MYRIP: variants seen among roughly 807,000 people sequenced by gnomAD.
MYRIP encodes the protein myosin VIIA and Rab interacting protein.
MYRIP carries 49 observed loss-of-function variants against 98.0 expected under a neutral mutation model. That is an observed-to-expected ratio of 0.50 (90% CI 0.40 to 0.63). The LOEUF (loss-of-function observed/expected upper bound fraction) is 0.63, where lower values mean the gene tolerates loss of function less well. Among genes scored for constraint, MYRIP ranks in the 30% least tolerant of loss-of-function variants. The pLI is 0.00. For missense variants in MYRIP, 1,004 were observed against 1,058.2 expected (o/e 0.95, Z 0.71); for synonymous variants, 404 against 409.5 (o/e 0.99, Z 0.16).
At chr3:39,820,382 T>TTTTGTTTG (rs59564629) in intron 1 of MYRIP, among the ~76,000 whole-genome samples, 94,697 of 151,034 alleles carry the variant, frequency 0.63, 29,920 homozygotes, top group African/African-American at 0.68. Context: ...TACATGATGG[T>TTTTGTTTG]TTTGTTTGTT....
intron 3 of MYRIP, among the ~76,000 whole-genome samples, chr3:40,123,089 T>C (rs1250171630): frequency 6.6e-6 from 1 of 152,216 alleles, no homozygotes; most frequent in East Asian, 1.9e-4. Context: ...TGATTTGGCT[T>C]TTGACTATTG....
At chr3:39,871,123 A>G (rs1942777441) in intron 1 of MYRIP, among the ~76,000 whole-genome samples, 1 of 152,228 alleles carries the variant, frequency 6.6e-6, no homozygotes, top group Admixed American at 6.5e-5. Flanking sequence ...GCTAGAAGGC[A>G]GTGAGGGTTA....
intron 2 of MYRIP, among the ~76,000 whole-genome samples, chr3:39,916,813 A>C (rs11921663): frequency 0.44 from 67,112 of 151,832 alleles, 15,069 homozygotes; most frequent in East Asian, 0.54. Flanking sequence ...AAAACCGGCC[A>C]TAAATGATAG....
intron 4 of MYRIP, among the ~76,000 whole-genome samples, chr3:40,158,361 CTGTT>C (rs1950293381): frequency 6.6e-6 from 1 of 152,188 alleles, no homozygotes; most frequent in Admixed American, 6.5e-5. Context: ...GTCTGAGAGA[CTGTT>C]TGTTATAATT....
At chr3:39,954,852 A>G (rs757206799) in intron 2 of MYRIP, among the ~76,000 whole-genome samples, 2 of 152,220 alleles carry the variant, frequency 1.3e-5, no homozygotes, top group Non-Finnish European at 2.9e-5. Context: ...GCTGAAACCC[A>G]TGGCACGAGA....
intron 12 of MYRIP, chr3:40,238,669 G>A (rs1054159153): frequency 6.6e-5 from 10 of 152,162 alleles, no homozygotes; most frequent in African/African-American, 2.4e-4. Flanking sequence ...AATGGGGAGG[G>A]AGAGAAAGGA....
intron 2 of MYRIP, among the ~76,000 whole-genome samples, chr3:39,915,954 A>G (rs757173600): frequency 1.3e-5 from 2 of 152,134 alleles, no homozygotes; most frequent in Non-Finnish European, 2.9e-5. Context: ...ACTGTTACCT[A>G]TAACACAATC....
At chr3:40,160,282 G>A (rs1041433356) in intron 4 of MYRIP, among the ~76,000 whole-genome samples, 10 of 152,220 alleles carry the variant, frequency 6.6e-5, no homozygotes, top group Non-Finnish European at 8.8e-5. Flanking sequence ...CCCTACTGGG[G>A]GGTGCCTCCC....
chr3:40,154,979 T>A (rs906482525), intron 4 of MYRIP, among the ~76,000 whole-genome samples: 1 of 152,100 alleles, frequency 6.6e-6, no homozygotes, highest in Non-Finnish European at 1.5e-5. Context: ...AATTTTGTTT[T>A]TATTTTTATT....
intron 11 of MYRIP, among the ~76,000 whole-genome samples, chr3:40,230,825 T>C (rs1952631740): frequency 6.6e-6 from 1 of 152,054 alleles, no homozygotes; most frequent in African/African-American, 2.4e-5. Context: ...CTTCTTCTTT[T>C]TTTTTTTTTT....
intron 2 of MYRIP, among the ~76,000 whole-genome samples, chr3:39,947,385 T>A (rs561999124): frequency 1.3e-5 from 2 of 150,758 alleles, no homozygotes; most frequent in East Asian, 3.9e-4. Context: ...CTGAAAAAAA[T>A]GAATAAAATA....
At chr3:40,134,611 A>T (rs969730853) in intron 3 of MYRIP, among the ~76,000 whole-genome samples, 4 of 152,240 alleles carry the variant, frequency 2.6e-5, no homozygotes, top group African/African-American at 4.8e-5. Context: ...ACCCCCGAGT[A>T]GCCTAACTGG....
chr3:39,887,504 A>G (rs1943342510), intron 1 of MYRIP, among the ~76,000 whole-genome samples: 1 of 152,162 alleles, frequency 6.6e-6, no homozygotes, highest in East Asian at 1.9e-4. Context: ...CTCTCAATAA[A>G]TTAGGTATTG....
In MYRIP at chr3:40,021,321, A is replaced by G. The variant is rs1946992267; in HGVS notation, c.111-22729A>G. ...GTAGCTGGCTTAGCAGCTAGAGGGC[A>G]TCACCAGTGAGACTTGGCATCTCTC... On this transcript the variant is annotated intron_variant, in intron 2 of 16. Transcript: ENST00000302541. Among the ~76,000 whole-genome samples the G allele has an allele frequency of 3.3e-5, 5 of 152,330 alleles. No homozygotes were observed. The South Asian group carries it at 1.0e-3, about 32-fold the overall frequency.
At chr3:40,179,029 G>A (rs904438366) in intron 8 of MYRIP, among the ~76,000 whole-genome samples, 9 of 152,198 alleles carry the variant, frequency 5.9e-5, no homozygotes, top group Admixed American at 1.3e-4. Flanking sequence ...GAGTCTGTGC[G>A]TAGGAAAGAA....
At chr3:40,248,218 C>G (rs942726038) in intron 13 of MYRIP, 2 of 152,274 alleles carry the variant, frequency 1.3e-5, no homozygotes, top group Non-Finnish European at 2.9e-5. Context: ...TGCCGTTATC[C>G]AGTGCTGAAA....
chr3:39,959,646 C>T (rs899293656), intron 2 of MYRIP, among the ~76,000 whole-genome samples: 2 of 150,080 alleles, frequency 1.3e-5, no homozygotes, highest in African/African-American at 5.0e-5. Context: ...ACATTGTGCA[C>T]ATGTACCCTA....
At chr3:39,855,975 G>A (rs1320662431) in intron 1 of MYRIP, among the ~76,000 whole-genome samples, 2 of 152,172 alleles carry the variant, frequency 1.3e-5, no homozygotes, top group African/African-American at 4.8e-5. Flanking sequence ...CCTGGGGCTT[G>A]AGCTGGAGAC....
At chr3:39,900,033 C>T (rs764356579) in intron 1 of MYRIP, among the ~76,000 whole-genome samples, 15 of 152,186 alleles carry the variant, frequency 9.9e-5, no homozygotes, top group Non-Finnish European at 2.1e-4. Context: ...GTTGGCCAGG[C>T]TGGTCTTGAA....
Sources: gnomAD v4.1 joint callset for allele counts (sites outside exome capture counted in the v4.1 genomes callset) on GRCh38, gnomAD v4.1.1 for gene constraint, MANE v1.5 for transcripts, NCBI Gene and HGNC (gene_info 2026-07-23, HGNC 2026-07-21) for gene names.